Variants in AMMECR1 observed in about 807,000 individuals in gnomAD.
AMMECR1 encodes the protein nuclear protein AMMECR1.
AMMECR1 carries 3 observed loss-of-function variants against 22.5 expected under a neutral mutation model. That is an observed-to-expected ratio of 0.13 (90% CI 0.06 to 0.35). The LOEUF (loss-of-function observed/expected upper bound fraction) is 0.35, where lower values mean the gene tolerates loss of function less well. Ranked by LOEUF, AMMECR1 falls within the 10% of genes least tolerant of loss-of-function variation. The probability of loss-of-function intolerance (pLI) is 1.00; values close to 1 mark genes in which losing one functional copy is unlikely to be tolerated. For synonymous variants in AMMECR1, 130 were observed against 116.7 expected (o/e 1.11, Z -0.74); for missense variants, 235 against 278.7 (o/e 0.84, Z 1.12).
chrX:110,202,322 A>G, intron 4 of AMMECR1, 124 bp downstream of exon 4: 1 of 498,643 alleles, frequency 2.0e-6, no homozygotes, highest in Non-Finnish European at 3.4e-6. Flanking sequence ...GTGATGGAAG[A>G]GTCACTTCTT....
intron 2 of AMMECR1, among the ~76,000 whole-genome samples, chrX:110,333,579 C>T (rs1465804180): frequency 9.0e-6 from 1 of 111,527 alleles, no homozygotes; most frequent in Non-Finnish European, 1.9e-5. Context: ...AACCCAAATG[C>T]CCATCAATGA....
intron 2 of AMMECR1, among the ~76,000 whole-genome samples, chrX:110,250,003 C>G (rs2067679130): frequency 8.9e-6 from 1 of 111,885 alleles, no homozygotes; most frequent in Non-Finnish European, 1.9e-5. Flanking sequence ...GATATTGTTA[C>G]TCCTGCAGTT....
intron 2 of AMMECR1, among the ~76,000 whole-genome samples, chrX:110,326,641 T>G (rs1188079977): frequency 8.9e-6 from 1 of 112,199 alleles, no homozygotes; most frequent in East Asian, 2.8e-4. Context: ...GTGTATAGTG[T>G]TGTTCAAGTC....
chrX:110,433,480 C>G, intron 1 of AMMECR1, among the ~76,000 whole-genome samples: 1 of 111,178 alleles, frequency 9.0e-6, no homozygotes, highest in Non-Finnish European at 1.9e-5. Context: ...TGAGGAAGGG[C>G]AGGGAGATGG....
intron 2 of AMMECR1, among the ~76,000 whole-genome samples, chrX:110,245,564 T>C (rs1300376900): frequency 1.8e-5 from 2 of 111,081 alleles, no homozygotes; most frequent in African/African-American, 3.3e-5. Flanking sequence ...ACAAAAGCCC[T>C]TAGAAGACAC....
chrX:110,205,822 G>C (rs1196185269), intron 3 of AMMECR1, among the ~76,000 whole-genome samples: 1 of 111,992 alleles, frequency 8.9e-6, no homozygotes, highest in Non-Finnish European at 1.9e-5. Flanking sequence ...ATTAAATGTA[G>C]GACTTATAGA....
intron 2 of AMMECR1, among the ~76,000 whole-genome samples, chrX:110,383,430 A>C (rs1284663803): frequency 9.0e-6 from 1 of 111,448 alleles, no homozygotes; most frequent in African/African-American, 3.3e-5. Flanking sequence ...AGTAGACATC[A>C]TATTAGAGCT....
At chrX:110,383,662 C>T (rs1024216319) in intron 2 of AMMECR1, among the ~76,000 whole-genome samples, 2 of 111,894 alleles carry the variant, frequency 1.8e-5, no homozygotes, top group Admixed American at 1.9e-4. Flanking sequence ...AACATCCTTA[C>T]TCTTCTTATC....
chrX:110,400,246 C>G (rs2068555245), intron 2 of AMMECR1, among the ~76,000 whole-genome samples: 1 of 105,060 alleles, frequency 9.5e-6, no homozygotes, highest in African/African-American at 3.5e-5. Context: ...TATTACTGTT[C>G]CTGCCAGGCT....
intron 2 of AMMECR1, among the ~76,000 whole-genome samples, chrX:110,249,462 T>G (rs963325144): frequency 1.8e-5 from 2 of 111,532 alleles, no homozygotes; most frequent in African/African-American, 3.3e-5. Flanking sequence ...GCAATATAAG[T>G]GAAATACTTT....
chrX:110,366,658 C>G (rs1230729391), intron 2 of AMMECR1, among the ~76,000 whole-genome samples: 2 of 111,696 alleles, frequency 1.8e-5, no homozygotes, highest in Non-Finnish European at 3.8e-5. Flanking sequence ...ACCCTAGATT[C>G]CCTAGGCTCT....
At chrX:110,239,340 T>C (rs1490500845) in intron 2 of AMMECR1, among the ~76,000 whole-genome samples, 2 of 110,266 alleles carry the variant, frequency 1.8e-5, no homozygotes, top group East Asian at 5.7e-4. Flanking sequence ...ATAACCAGTT[T>C]AGAGAAGAAC....
chrX:110,270,750 A>G (rs1281261042), intron 1 of AMMECR1, among the ~76,000 whole-genome samples: 2 of 111,930 alleles, frequency 1.8e-5, no homozygotes, highest in Non-Finnish European at 3.8e-5. Context: ...AGCAAGGCCT[A>G]CCATTTTATG....
chrX:110,260,016 A>T (rs1285785239), intron 2 of AMMECR1, among the ~76,000 whole-genome samples: 1 of 112,024 alleles, frequency 8.9e-6, no homozygotes, highest in Non-Finnish European at 1.9e-5. Context: ...TAAAAGCCAT[A>T]AACACAATAC....
At chrX:110,317,536 T>G (rs976742634) in intron 1 of AMMECR1, 63 bp downstream of exon 1, 1 of 1,092,479 alleles carries the variant, frequency 9.2e-7, no homozygotes, top group Non-Finnish European at 1.2e-6. Flanking sequence ...ACTCGCACTT[T>G]GCCTCAACTC....
intron 1 of AMMECR1, among the ~76,000 whole-genome samples, chrX:110,266,738 CACAGTTTTGTTACATTAGGTAT>C (rs1305722566): frequency 1.8e-5 from 2 of 108,351 alleles, no homozygotes; most frequent in South Asian, 8.2e-4. Context: ...GTGCAGAACG[CACAGTTTTGTTACATTAGGTAT>C]ACAGGGGCCA....
intron 2 of AMMECR1, among the ~76,000 whole-genome samples, chrX:110,394,076 C>T (rs1284351269): frequency 8.9e-6 from 1 of 112,209 alleles, no homozygotes; most frequent in Non-Finnish European, 1.9e-5. Context: ...TGACCTGACC[C>T]GCCATTGCTA....
At chrX:110,318,185 C>T (rs866914778), upstream of AMMECR1, 2 of 572,185 alleles carry the variant, frequency 3.5e-6, no homozygotes, top group Non-Finnish European at 2.2e-6. Context: ...GCTGGCGGGG[C>T]GCGCGCGCGC....
At chrX:110,247,293 C>T (rs1012391454) in intron 2 of AMMECR1, among the ~76,000 whole-genome samples, 1 of 112,374 alleles carries the variant, frequency 8.9e-6, no homozygotes, top group Non-Finnish European at 1.9e-5. Context: ...TGATAGCTCA[C>T]TCCTGTAATC....
Sources: gnomAD v4.1 joint callset for allele counts (sites outside exome capture counted in the v4.1 genomes callset) on GRCh38, gnomAD v4.1.1 for gene constraint, MANE v1.5 for transcripts, NCBI Gene and HGNC (gene_info 2026-07-23, HGNC 2026-07-21) for gene names.